The following TBC1D1 variants were observed in gnomAD, a reference collection of about 807,000 sequenced individuals.
The protein encoded by TBC1D1 is TBC1 domain family member 1.
A neutral mutation model predicts 125.6 loss-of-function variants in TBC1D1; 89 were observed. The observed-to-expected ratio is 0.71, with a 90% confidence interval of 0.60 to 0.85. The LOEUF is 0.85. TBC1D1 is among the 40% of genes least tolerant of loss of function. The pLI is 0.00. For synonymous variants in TBC1D1, 565 were observed against 564.1 expected (o/e 1.00, Z -0.02); for missense variants, 1,377 against 1,469.2 (o/e 0.94, Z 1.03).
At chr4:38,113,339 C>G (rs1762484500) in intron 15 of TBC1D1, among the ~76,000 whole-genome samples, 1 of 152,172 alleles carries the variant, frequency 6.6e-6, no homozygotes, top group East Asian at 1.9e-4. Context: ...ACTCCCCACC[C>G]TGCTAGGCCC....
At chr4:38,117,954 C>A in intron 16 of TBC1D1, 79 bp from the exon 19 acceptor site, 1 of 1,323,880 alleles carries the variant, frequency 7.6e-7, no homozygotes, top group East Asian at 2.3e-5. Flanking sequence ...TCTCTTACAC[C>A]CACCCTGTGA....
rs1276226088 is a variant in TBC1D1, at chr4:38,115,842, C to T, written c.2690C>T (p.Ala897Val). ...TATTGCCAAGGTCTCAGCTTTGTAGCAGGCATTTTGCTTCTTCATATGAGT... is the reference window on the plus strand; with the variant it reads ...TATTGCCAAGGTCTCAGCTTTGTAGTAGGCATTTTGCTTCTTCATATGAGT... The change falls in exon 16 of 20, where the codon GCA becomes GTA. Residue 897 changes from alanine to valine, a missense_variant. Ala to Val is a moderately conservative substitution (Grantham distance 64). This residue lies in a region of TBC1D1 where 543 missense variants were observed against 613.5 expected (regional missense o/e 0.89). Transcript: ENST00000261439. 4 of 1,614,180 alleles carry T rather than the reference C, an allele frequency of 2.5e-6. No individual in the cohort carries two copies. In the Admixed American group the frequency reaches 6.7e-5, roughly 27 times the overall value.
chr4:37,942,842 G>T (rs1455912357), intron 2 of TBC1D1, among the ~76,000 whole-genome samples: 2 of 152,058 alleles, frequency 1.3e-5, no homozygotes, highest in Non-Finnish European at 2.9e-5. Context: ...GCCCGGCTAG[G>T]TTAATATTGT....
At position 38,006,722 on chromosome 4, in the gene TBC1D1, G is replaced by A. The variant is rs182093966; in HGVS notation, c.418-7787G>A. 875 of 361,574 alleles carry A rather than the reference G, an allele frequency of 2.4e-3. 10 individuals are homozygous for A. The highest frequency in any genetic ancestry group is 0.019 in the East Asian group (235 of 12,660). 22.4% of individuals were successfully genotyped at this position (361,574 alleles called of 1,614,324 possible). ...GCTCAATCTCCTGACCTTGTGATCC[G>A]CCCACCTTGGCCTCCCAAAGTGCTG... On this transcript the variant is annotated intron_variant, in intron 2 of 19. Transcript: ENST00000261439.
intron 12 of TBC1D1, chr4:38,060,799 G>C: frequency 2.3e-6 from 1 of 442,942 alleles, no homozygotes; most frequent in Admixed American, 3.3e-5. Context: ...CTTGTTAAAA[G>C]GCAGACTCTG....
intron 10 of TBC1D1, among the ~76,000 whole-genome samples, chr4:38,047,906 G>A (rs557333390): frequency 6.6e-6 from 1 of 152,264 alleles, no homozygotes; most frequent in East Asian, 1.9e-4. Context: ...CACTCAGTGG[G>A]CTTTCCAGTA....
At chr4:38,085,427 C>T (rs941259416) in intron 12 of TBC1D1, among the ~76,000 whole-genome samples, 1 of 152,162 alleles carries the variant, frequency 6.6e-6, no homozygotes, top group Non-Finnish European at 1.5e-5. Context: ...GTGGCTTTGC[C>T]GACTTTATAA....
At chr4:38,068,801 G>C (rs567034333) in intron 12 of TBC1D1, among the ~76,000 whole-genome samples, 1 of 152,192 alleles carries the variant, frequency 6.6e-6, no homozygotes, top group Admixed American at 6.5e-5. Context: ...TGAGAGCAGA[G>C]CTCTAGAACA....
At chr4:38,008,976 T>C (rs1020513822) in intron 2 of TBC1D1, among the ~76,000 whole-genome samples, 6 of 152,238 alleles carry the variant, frequency 3.9e-5, no homozygotes, top group Non-Finnish European at 7.3e-5. Flanking sequence ...ATAATATGAA[T>C]GTTTACCTGT....
intron 15 of TBC1D1, 88 bp from the exon 18 acceptor site, chr4:38,115,622 G>T: frequency 7.0e-7 from 1 of 1,429,314 alleles, no homozygotes; most frequent in Admixed American, 2.2e-5. Context: ...AGATTTTGCT[G>T]CTTAATCTGA....
At chr4:38,036,560 T>C (rs963972886) in intron 8 of TBC1D1, among the ~76,000 whole-genome samples, 4 of 152,246 alleles carry the variant, frequency 2.6e-5, no homozygotes, top group African/African-American at 9.6e-5. Context: ...AAGACACTTG[T>C]GTGCTCAGTG....
intron 12 of TBC1D1, among the ~76,000 whole-genome samples, chr4:38,081,404 T>C (rs1371806718): frequency 6.6e-6 from 1 of 152,094 alleles, no homozygotes; most frequent in East Asian, 1.9e-4. Flanking sequence ...CCACCCTATT[T>C]CTACGTGACC....
chr4:38,015,977 C>A (rs2152429099), intron 3 of TBC1D1, among the ~76,000 whole-genome samples: 1 of 152,228 alleles, frequency 6.6e-6, no homozygotes, highest in South Asian at 2.1e-4. Flanking sequence ...TTTAAAAAAA[C>A]TTCCTTGGTG....
chr4:38,103,754 GA>G (rs1760770007), intron 15 of TBC1D1, among the ~76,000 whole-genome samples: 1 of 152,112 alleles, frequency 6.6e-6, no homozygotes, highest in Non-Finnish European at 1.5e-5. Context: ...TATTTGGGAA[GA>G]AAAATCAATG....
chr4:38,065,562 AT>A (rs1320275509), intron 12 of TBC1D1, among the ~76,000 whole-genome samples: 2 of 151,880 alleles, frequency 1.3e-5, no homozygotes, highest in Non-Finnish European at 2.9e-5. Context: ...AATAATAGCC[AT>A]TGTAATTATC....
rs534201497 is a variant in TBC1D1, at chr4:38,054,302, C to T, written c.2014C>T (p.Pro672Ser). The T allele has an allele frequency of 3.8e-5, 61 of 1,614,196 alleles. No individual in the cohort carries two copies. Among genetic ancestry groups the T allele is most frequent in the Non-Finnish European group, 5.0e-5 (59 of 1,180,028 alleles). ...GCAGATATTCCTCCGAGTAGCCACC[C>T]CGCAGAAGGCGTGCGATTCTTCCAG... Residue 672 changes from proline (P) to serine (S), a missense_variant, in exon 12 of 20, where the codon CCG becomes TCG. Transcript: ENST00000261439.
chr4:38,105,260 C>T, intron 15 of TBC1D1, among the ~76,000 whole-genome samples: 1 of 152,110 alleles, frequency 6.6e-6, no homozygotes, highest in Non-Finnish European at 1.5e-5. Flanking sequence ...TCACCTTGGG[C>T]CAAATGTTGT....
At chr4:38,026,433 A>T (rs192808684) in intron 6 of TBC1D1, among the ~76,000 whole-genome samples, 15 of 152,316 alleles carry the variant, frequency 9.8e-5, no homozygotes, top group Admixed American at 7.8e-4. Context: ...CAGCAAATCC[A>T]TCTGTAAAAT....
At chr4:37,914,917 A>T (rs1291818395) in intron 2 of TBC1D1, among the ~76,000 whole-genome samples, 1 of 152,238 alleles carries the variant, frequency 6.6e-6, no homozygotes, top group East Asian at 1.9e-4. Flanking sequence ...GCCCCACACT[A>T]AGCAATATCA....
Sources: gnomAD v4.1 joint callset for allele counts (sites outside exome capture counted in the v4.1 genomes callset) on GRCh38, gnomAD v4.1.1 for gene constraint, gnomAD v4.1.1 regional missense constraint, MANE v1.5 for transcripts, NCBI Gene and HGNC (gene_info 2026-07-23, HGNC 2026-07-21) for gene names.